Variants in HS6ST1 observed in about 807,000 individuals in gnomAD.
The protein encoded by HS6ST1 is heparan-sulfate 6-O-sulfotransferase 1.
Under a neutral mutation model 25.2 loss-of-function variants are expected in HS6ST1, and 3 were observed. The observed-to-expected ratio is 0.12, with a 90% confidence interval of 0.05 to 0.31. The LOEUF (loss-of-function observed/expected upper bound fraction) is 0.31, where lower values mean the gene tolerates loss of function less well. Among genes scored for constraint, HS6ST1 ranks in the 10% least tolerant of loss-of-function variants. The pLI, the probability that HS6ST1 is intolerant of heterozygous loss-of-function variation, is 1.00. For synonymous variants in HS6ST1, 204 were observed against 275.1 expected, an observed-to-expected ratio of 0.74 and a Z score of 2.56; for missense variants, 310 against 609.6, an observed-to-expected ratio of 0.51 and a Z score of 5.18.
rs186880160 is a variant in HS6ST1, at chr2:128,285,480, C to T, written c.528-16610G>A. ...AGTCTCCCAAGGCCTTGTCCCACCT[C>T]ACAGCCAAGCTGCTCACCTGGATGC... On this transcript the variant is annotated intron_variant, in intron 1 of 1. Transcript: ENST00000259241. Among the ~76,000 whole-genome samples, 95 of 152,346 alleles carry T rather than the reference C, an allele frequency of 6.2e-4. 1 individual carries two copies. The highest frequency in any genetic ancestry group is 5.7e-3 in the Admixed American group (88 of 15,310).
At position 128,318,655 on chromosome 2, in the gene HS6ST1, G is replaced by T. The variant is rs1694415659; in HGVS notation, c.-92C>A. The T allele has an allele frequency of 4.0e-6, 1 of 251,514 alleles. No homozygotes were observed. Among genetic ancestry groups the T allele is most frequent in the Non-Finnish European group, 6.2e-6 (1 of 162,260 alleles). The allele number at this position is 251,514 out of a possible 1,614,324, so 15.6% of individuals were successfully genotyped here. ...CTGCCTCCGCCGCCGCCCGCGCTCC[G>T]GCCCGGCCCGGCTACTCGGCGCCCA... On this transcript the variant is annotated 5_prime_UTR_variant, in exon 1 of 2. Coordinates refer to ENST00000259241, the MANE Select transcript of HS6ST1 (RefSeq NM_004807.3). The surrounding 1 kb of genome is among the most constrained non-coding windows in gnomAD (Gnocchi z 5.7).
At chr2:128,292,213 G>C (rs1461211689) in intron 1 of HS6ST1, among the ~76,000 whole-genome samples, 3 of 152,232 alleles carry the variant, frequency 2.0e-5, no homozygotes, top group African/African-American at 7.2e-5. Flanking sequence ...GAAGGTGTGG[G>C]GAGAGGGATC....
In HS6ST1 at chr2:128,318,172, T is replaced by C. The variant is rs1478156784; in HGVS notation, c.392A>G (p.Asn131Ser). Residue 131 changes from asparagine to serine, a missense_variant, in exon 1 of 2, where the codon AAC (asparagine) becomes AGC (serine). Physicochemically the swap from Asn to Ser is conservative, Grantham distance 46. Around this residue, in one of 5 missense-constraint regions of HS6ST1, gnomAD observed 98 missense variants for 270.3 expected, o/e 0.36. Coordinates refer to ENST00000259241, the MANE Select transcript of HS6ST1 (RefSeq NM_004807.3). The surrounding 1 kb of genome is among the most constrained non-coding windows in gnomAD (Gnocchi z 5.7). ...GGAGAAGAGCCAAGTCTCGCGGCGG[T>C]TGGGCCGGTAGCAGGTGCACTTCTT... ...GQKKCTCYRP[N>S]RRETWLFSRF... 1 of 1,531,460 alleles carries C rather than the reference T, an allele frequency of 6.5e-7. No individual in the cohort carries two copies. The highest frequency in any genetic ancestry group is 2.5e-5 in the East Asian group (1 of 40,648). 94.9% of individuals were successfully genotyped at this position (1,531,460 alleles called of 1,614,324 possible). A position where few individuals can be genotyped will look rare whatever the true frequency, so the allele number is the denominator to read the frequency against.
chr2:128,278,774 C>A (rs1355665926), intron 1 of HS6ST1, among the ~76,000 whole-genome samples: 1 of 152,136 alleles, frequency 6.6e-6, no homozygotes, highest in Non-Finnish European at 1.5e-5. Context: ...AGAAAAAACA[C>A]CACCCAGGAC....
At chr2:128,283,574 C>T (rs1312735358) in intron 1 of HS6ST1, among the ~76,000 whole-genome samples, 2 of 152,216 alleles carry the variant, frequency 1.3e-5, no homozygotes, top group Admixed American at 6.5e-5. Context: ...TCCAGCAGTG[C>T]CACTTACACC....
At position 128,271,755 on chromosome 2, in the gene HS6ST1, A is replaced by C. The variant is rs1485830585; in HGVS notation, c.528-2885T>G. ...GCCACCTGCCACGATCCTGGCCTGC[A>C]GTGACGGGTGGGCACGAGGGCCCCG... On this transcript the variant is annotated intron_variant, in intron 1 of 1. Coordinates refer to ENST00000259241, the MANE Select transcript of HS6ST1 (RefSeq NM_004807.3). Among the ~76,000 whole-genome samples, 2 of 152,324 alleles carry C rather than the reference A, an allele frequency of 1.3e-5. 1 individual carries two copies. Among genetic ancestry groups the C allele is most frequent in the South Asian group, 4.1e-4 (2 of 4,832 alleles).
At chr2:128,272,566 G>C (rs1410607460) in intron 1 of HS6ST1, among the ~76,000 whole-genome samples, 2 of 152,196 alleles carry the variant, frequency 1.3e-5, no homozygotes, top group Non-Finnish European at 2.9e-5. Context: ...ACACAGCTGA[G>C]GGGAACAAAG....
Position 128,267,484 on chromosome 2 carries a change from G to A in HS6ST1, c.*678C>T, listed in dbSNP as rs1262514284. On this transcript the variant is annotated 3_prime_UTR_variant, in exon 2 of 2. Transcript: ENST00000259241. ...GTCTGAGGACTGTAGGGAGTGGGTG[G>A]GGCCTGAACATCAGCTTTGGCCTCC... 2 of 153,524 alleles carry A rather than the reference G, an allele frequency of 1.3e-5. No homozygotes were observed. The highest frequency in any genetic ancestry group is 1.9e-4 in the East Asian group (1 of 5,202). The allele number at this position is 153,524 out of a possible 1,614,324, so 9.5% of individuals were successfully genotyped here.
intron 1 of HS6ST1, among the ~76,000 whole-genome samples, chr2:128,306,655 TG>T (rs1423227950): frequency 6.6e-6 from 1 of 150,392 alleles, no homozygotes; most frequent in Non-Finnish European, 1.5e-5. Flanking sequence ...CCCAAGCCAG[TG>T]GGGGCATGGC....
intron 1 of HS6ST1, among the ~76,000 whole-genome samples, chr2:128,272,029 T>C (rs1274007431): frequency 6.6e-6 from 1 of 152,196 alleles, no homozygotes; most frequent in Non-Finnish European, 1.5e-5. Flanking sequence ...CCTGGCCACC[T>C]GAAGGCAGGA....
At chr2:128,286,275 G>T (rs1033903375) in intron 1 of HS6ST1, among the ~76,000 whole-genome samples, 2 of 152,218 alleles carry the variant, frequency 1.3e-5, no homozygotes, top group African/African-American at 2.4e-5. Context: ...GGAATCTATC[G>T]TGGCCGAGGT....
intron 1 of HS6ST1, among the ~76,000 whole-genome samples, chr2:128,315,999 T>C (rs1200333784): frequency 6.6e-6 from 1 of 152,154 alleles, no homozygotes; most frequent in Non-Finnish European, 1.5e-5. Context: ...CCCTGGCGCA[T>C]GCTGCTGAGC....
Position 128,288,754 on chromosome 2 carries a change from G to GCCTAGGAGA in HS6ST1, c.528-19885_528-19884insTCTCCTAGG, listed in dbSNP as rs1558873954. Among the ~76,000 whole-genome samples the GCCTAGGAGA allele has an allele frequency of 2.0e-5, 3 of 152,034 alleles. No individual in the cohort carries two copies. In the East Asian group the frequency reaches 5.9e-4, roughly 30 times the overall value. On this transcript the variant is annotated intron_variant, in intron 1 of 1. Coordinates refer to ENST00000259241, the MANE Select transcript of HS6ST1 (RefSeq NM_004807.3). ...TAGGAGAGTCAGGGAGGCCTGGGAG[G>GCCTAGGAGA]CTCAGGGCCTCCCCAGCAGCCTCTC...
intron 1 of HS6ST1, among the ~76,000 whole-genome samples, chr2:128,307,544 A>T (rs1558880497): frequency 1.3e-5 from 2 of 152,242 alleles, no homozygotes; most frequent in Non-Finnish European, 2.9e-5. Context: ...GGAACCTGGC[A>T]CCAGGACACA....
intron 1 of HS6ST1, among the ~76,000 whole-genome samples, chr2:128,308,168 G>A (rs182366537): frequency 9.2e-5 from 14 of 152,330 alleles, no homozygotes; most frequent in East Asian, 1.9e-4. Context: ...CATGTGAAAC[G>A]CAGGACAGTG....
intron 1 of HS6ST1, among the ~76,000 whole-genome samples, chr2:128,300,860 C>A (rs549526709): frequency 6.6e-6 from 1 of 152,370 alleles, no homozygotes; most frequent in South Asian, 2.1e-4. Context: ...CACACCCCGT[C>A]TGAGCCTCCG....
At chr2:128,294,447 A>G (rs1254326698) in intron 1 of HS6ST1, among the ~76,000 whole-genome samples, 1 of 152,100 alleles carries the variant, frequency 6.6e-6, no homozygotes, top group Non-Finnish European at 1.5e-5. Flanking sequence ...CCACCTTTAG[A>G]AACTTGTTCA....
In HS6ST1 at chr2:128,268,849, C is replaced by T; in HGVS notation, c.549G>A (p.Leu183=). The change falls in exon 2 of 2, where the codon CTG becomes CTA. Residue 183 remains leucine (L), a synonymous_variant. Transcript: ENST00000259241. ...GGTAGCGGGACACGGGGTCTCGTAG[C>T]AGGGTGATGTAGTAGAACTTCCTGC... ...RTPRKFYYIT[L]LRDPVSRYLS... is the part of the protein sequence containing the mutation. The T allele has an allele frequency of 1.2e-6, 2 of 1,610,252 alleles. No individual in the cohort carries two copies. The highest frequency in any genetic ancestry group is 1.7e-5 in the Admixed American group (1 of 60,020).
intron 1 of HS6ST1, among the ~76,000 whole-genome samples, chr2:128,294,669 GGCGTGTGTGT>G (rs1353834590): frequency 7.9e-6 from 1 of 127,014 alleles, no homozygotes. Context: ...AAAGAAGGGA[GGCGTGTGTGT>G]GTGTGTGTGT....
Sources: allele counts gnomAD v4.1 joint callset (sites outside exome capture counted in the v4.1 genomes callset), GRCh38; gene constraint gnomAD v4.1.1; regional missense constraint gnomAD v4.1.1; non-coding constraint Gnocchi (gnomAD v3.1); transcripts MANE v1.5; gene names NCBI Gene and HGNC (gene_info 2026-07-23, HGNC 2026-07-21).